The following DEUP1 variants were observed in gnomAD, a reference collection of about 807,000 sequenced individuals.
The protein encoded by DEUP1 is deuterosome assembly protein 1.
In DEUP1, 82 loss-of-function variants were observed where a neutral mutation model predicts 87.4. The observed-to-expected ratio is 0.94, with a 90% CI of 0.78 to 1.13. The LOEUF (loss-of-function observed/expected upper bound fraction) is 1.13, where lower values mean the gene tolerates loss of function less well. DEUP1 is among the 50% of genes most tolerant of loss of function. The probability of loss-of-function intolerance (pLI) is 0.00; values close to 1 mark genes in which losing one functional copy is unlikely to be tolerated. For synonymous variants in DEUP1, 214 were observed against 222.7 expected, an observed-to-expected ratio of 0.96 and a Z score of 0.35; for missense variants, 663 against 681.5, an observed-to-expected ratio of 0.97 and a Z score of 0.30.
At chr11:93,435,518 T>C (rs1948217242) in intron 13 of DEUP1, among the ~76,000 whole-genome samples, 1 of 152,276 alleles carries the variant, frequency 6.6e-6, no homozygotes, top group Admixed American at 6.5e-5. Context: ...TCCAGAATCT[T>C]AAGGGTCTGC....
At chr11:93,432,854 C>A (rs1419487148) in intron 13 of DEUP1, among the ~76,000 whole-genome samples, 1 of 152,164 alleles carries the variant, frequency 6.6e-6, no homozygotes, top group Non-Finnish European at 1.5e-5. Context: ...TGCTTTAAAT[C>A]TCAATTAGTA....
chr11:93,396,140 T>A (rs1333696222), intron 10 of DEUP1, 99 bp from the exon 11 acceptor site: 7 of 743,290 alleles, frequency 9.4e-6, no homozygotes, highest in Non-Finnish European at 1.4e-5. Flanking sequence ...TTTCCCTTCA[T>A]TACACTTAGA....
At chr11:93,346,652 A>G (rs965881743) in intron 2 of DEUP1, among the ~76,000 whole-genome samples, 21 of 152,124 alleles carry the variant, frequency 1.4e-4, no homozygotes, top group African/African-American at 3.6e-4. Flanking sequence ...CATTTTAGTG[A>G]TACTGTTTCT....
chr11:93,346,202 C>T (rs1009739291), intron 2 of DEUP1, among the ~76,000 whole-genome samples: 13 of 152,206 alleles, frequency 8.5e-5, no homozygotes, highest in Non-Finnish European at 1.6e-4. Context: ...CTATTGTGTT[C>T]CATTGGTCTA....
At chr11:93,394,767 A>G (rs1474304254) in intron 10 of DEUP1, 111 bp downstream of exon 10, 1 of 733,632 alleles carries the variant, frequency 1.4e-6, no homozygotes, top group African/African-American at 1.8e-5. Context: ...ATTATTTCTG[A>G]GACTAGCTTC....
intron 13 of DEUP1, among the ~76,000 whole-genome samples, chr11:93,416,437 G>C (rs1368234827): frequency 3.9e-5 from 6 of 152,130 alleles, no homozygotes; most frequent in Admixed American, 1.3e-4. Flanking sequence ...TCCAGAAATG[G>C]ATAAATTCCT....
At chr11:93,366,687 T>G (rs936498953) in intron 5 of DEUP1, among the ~76,000 whole-genome samples, 3 of 152,218 alleles carry the variant, frequency 2.0e-5, no homozygotes, top group Non-Finnish European at 2.9e-5. Flanking sequence ...GACACACATT[T>G]CTAGCTATTC....
intron 9 of DEUP1, 100 bp downstream of exon 9, chr11:93,389,225 C>T (rs1946691264): frequency 1.4e-6 from 1 of 701,158 alleles, no homozygotes; most frequent in East Asian, 2.9e-5. Flanking sequence ...CTTTGTTTTC[C>T]TTCTGTATTT....
chr11:93,360,392 G>A (rs1945110914), intron 4 of DEUP1, among the ~76,000 whole-genome samples: 1 of 152,022 alleles, frequency 6.6e-6, no homozygotes, highest in African/African-American at 2.4e-5. Flanking sequence ...AAAATGTCCA[G>A]GTATCAATAA....
At chr11:93,334,912 T>G (rs1193719144) in intron 2 of DEUP1, among the ~76,000 whole-genome samples, 1 of 152,208 alleles carries the variant, frequency 6.6e-6, no homozygotes, top group Non-Finnish European at 1.5e-5. Flanking sequence ...GGTTTTGCTT[T>G]GTTTTTGTTT....
intron 9 of DEUP1, among the ~76,000 whole-genome samples, chr11:93,393,084 CTT>C (rs1946822679): frequency 1.8e-5 from 1 of 55,534 alleles, no homozygotes; most frequent in Non-Finnish European, 3.5e-5. Flanking sequence ...TCTCTTCCTC[CTT>C]CTTTTTTTTT....
chr11:93,409,625 T>C (rs527466602), intron 12 of DEUP1, among the ~76,000 whole-genome samples: 3 of 152,320 alleles, frequency 2.0e-5, no homozygotes, highest in East Asian at 3.9e-4. Flanking sequence ...CCCAACTTCA[T>C]TGCAACATTT....
chr11:93,364,789 A>G (rs536186304), intron 5 of DEUP1, among the ~76,000 whole-genome samples: 2 of 152,204 alleles, frequency 1.3e-5, no homozygotes, highest in East Asian at 1.9e-4. Flanking sequence ...TGGTCTCTAA[A>G]AAAAATTCAC....
intron 7 of DEUP1, chr11:93,383,454 G>T: frequency 2.0e-6 from 1 of 497,910 alleles, no homozygotes; most frequent in Admixed American, 3.4e-5. Context: ...TGGTTGCTAG[G>T]AGCTGGAGGA....
chr11:93,390,193 G>C (rs571958414), intron 9 of DEUP1, among the ~76,000 whole-genome samples: 43 of 152,312 alleles, frequency 2.8e-4, no homozygotes, highest in Middle Eastern at 3.4e-3. Flanking sequence ...ACTGCATAGT[G>C]CTTGACACAC....
intron 12 of DEUP1, among the ~76,000 whole-genome samples, chr11:93,413,213 G>A (rs557810254): frequency 6.6e-6 from 1 of 151,020 alleles, no homozygotes; most frequent in South Asian, 2.1e-4. Context: ...TCAAATTGAA[G>A]GGATTTTCGT....
chr11:93,348,457 A>C (rs1454356809), intron 2 of DEUP1, among the ~76,000 whole-genome samples: 1 of 152,010 alleles, frequency 6.6e-6, no homozygotes, highest in African/African-American at 2.4e-5. Flanking sequence ...TAACTTTTTG[A>C]TGTGGGCATT....
chr11:93,354,390 T>C (rs1287130791), intron 2 of DEUP1, among the ~76,000 whole-genome samples: 1 of 152,184 alleles, frequency 6.6e-6, no homozygotes, highest in Non-Finnish European at 1.5e-5. Context: ...CACATTTTTC[T>C]CTCTTCTTCT....
At chr11:93,418,160 C>T (rs1386582573) in intron 13 of DEUP1, among the ~76,000 whole-genome samples, 2 of 152,018 alleles carry the variant, frequency 1.3e-5, no homozygotes, top group Non-Finnish European at 2.9e-5. Flanking sequence ...GCAATGGCAA[C>T]AAAAGCCAAA....
Sources: allele counts gnomAD v4.1 joint callset (sites outside exome capture counted in the v4.1 genomes callset), GRCh38; gene constraint gnomAD v4.1.1; transcripts MANE v1.5; gene names NCBI Gene and HGNC (gene_info 2026-07-23, HGNC 2026-07-21).